LUZP2: variants seen among roughly 807,000 people sequenced by gnomAD.
LUZP2 encodes leucine zipper protein 2.
LUZP2 carries 52 observed loss-of-function variants against 51.6 expected under a neutral mutation model. That is an observed-to-expected ratio of 1.01 (90% CI 0.81 to 1.27). The LOEUF is 1.27. LUZP2 is among the 50% of genes most tolerant of loss of function. The probability of loss-of-function intolerance (pLI) is 0.00; values close to 1 mark genes in which losing one functional copy is unlikely to be tolerated. For missense variants in LUZP2, 436 were observed against 395.4 expected, an observed-to-expected ratio of 1.10 and a Z score of -0.87; for synonymous variants, 154 against 137.3, an observed-to-expected ratio of 1.12 and a Z score of -0.85.
chr11:24,774,515 A>T (rs1367451367), intron 5 of LUZP2, among the ~76,000 whole-genome samples: 52 of 98,524 alleles, frequency 5.3e-4, no homozygotes, highest in African/African-American at 1.6e-3. Context: ...AATATATTCT[A>T]TATATATGTA....
intron 4 of LUZP2, among the ~76,000 whole-genome samples, chr11:24,756,491 C>T (rs1859778471): frequency 6.6e-6 from 1 of 152,202 alleles, no homozygotes; most frequent in East Asian, 1.9e-4. Context: ...CAGCTCTATA[C>T]CATGGGGGAC....
At chr11:24,807,912 A>T (rs1452003938) in intron 5 of LUZP2, among the ~76,000 whole-genome samples, 2 of 152,104 alleles carry the variant, frequency 1.3e-5, no homozygotes, top group Non-Finnish European at 2.9e-5. Flanking sequence ...CTGTGCTGTG[A>T]TAGAACTAAG....
chr11:25,017,293 A>G (rs912315365), intron 9 of LUZP2, among the ~76,000 whole-genome samples: 4 of 151,880 alleles, frequency 2.6e-5, no homozygotes, highest in South Asian at 2.1e-4. Context: ...CCACTTATTT[A>G]TTTTTGTTTT....
At chr11:24,882,261 C>T (rs1852492770) in intron 5 of LUZP2, among the ~76,000 whole-genome samples, 1 of 151,850 alleles carries the variant, frequency 6.6e-6, no homozygotes, top group Admixed American at 6.6e-5. Context: ...TTAAAGTTCA[C>T]AAGGTTTGTA....
chr11:24,894,007 C>T (rs887372164), intron 5 of LUZP2, among the ~76,000 whole-genome samples: 1 of 152,100 alleles, frequency 6.6e-6, no homozygotes, highest in Non-Finnish European at 1.5e-5. Flanking sequence ...CTGTAGCCCA[C>T]TCTAACTCAG....
At chr11:24,599,938 A>T (rs1199396025) in intron 1 of LUZP2, among the ~76,000 whole-genome samples, 2 of 152,116 alleles carry the variant, frequency 1.3e-5, no homozygotes. Flanking sequence ...TTGATGGGGA[A>T]CACATTTCAG....
intron 1 of LUZP2, among the ~76,000 whole-genome samples, chr11:24,500,971 A>G (rs1387290751): frequency 1.3e-5 from 2 of 152,224 alleles, no homozygotes; most frequent in Non-Finnish European, 2.9e-5. Flanking sequence ...AAGAATCACA[A>G]TAAACACAAT....
chr11:24,642,789 AG>A (rs1327810573), intron 1 of LUZP2, among the ~76,000 whole-genome samples: 7 of 152,070 alleles, frequency 4.6e-5, no homozygotes, highest in Non-Finnish European at 1.0e-4. Flanking sequence ...GCCAAGTAGC[AG>A]GGTGGAAGTT....
intron 5 of LUZP2, among the ~76,000 whole-genome samples, chr11:24,788,826 G>A (rs749416663): frequency 6.6e-6 from 1 of 152,046 alleles, no homozygotes; most frequent in African/African-American, 2.4e-5. Flanking sequence ...CTTGCTCCAG[G>A]AAAGTCTGTC....
rs71041768 is a variant in LUZP2, at chr11:24,517,483, C to CAAAAAAAAAAAAA, written c.62+20196_62+20208dup. On this transcript the variant is annotated intron_variant, in intron 1 of 11. Coordinates refer to ENST00000336930, the MANE Select transcript of LUZP2 (RefSeq NM_001009909.4). ...CCTGGGTGACAGAGCCAGACGCCGT[C>CAAAAAAAAAAAAA]AAAAAAAAAAAAAAAAAAAAAAAAA... is the stretch of plus-strand genomic sequence containing the variant. Among the ~76,000 whole-genome samples, 12 of 44,142 alleles carry CAAAAAAAAAAAAA rather than the reference C, an allele frequency of 2.7e-4. 1 individual carries two copies. The highest frequency in any genetic ancestry group is 5.1e-4 in the African/African-American group (6 of 11,858). 29.0% of individuals were successfully genotyped at this position (44,142 alleles called of 152,430 possible).
chr11:24,850,279 C>A (rs1851349793), intron 5 of LUZP2, among the ~76,000 whole-genome samples: 1 of 152,042 alleles, frequency 6.6e-6, no homozygotes, highest in Non-Finnish European at 1.5e-5. Context: ...AGTGTTTATT[C>A]CATTTTGAGT....
chr11:24,643,295 T>C (rs1454151909), intron 1 of LUZP2, among the ~76,000 whole-genome samples: 2 of 145,250 alleles, frequency 1.4e-5, no homozygotes, highest in Admixed American at 1.4e-4. Context: ...GGCGTGGTGG[T>C]GCATCTGTCT....
rs200453205 is a variant in LUZP2, at chr11:24,958,317, G to A, written c.523-18274G>A. Among the ~76,000 whole-genome samples the A allele has an allele frequency of 5.9e-5, 9 of 152,308 alleles. No individual in the cohort carries two copies. In the East Asian group the frequency reaches 1.7e-3, roughly 29 times the overall value. On this transcript the variant is annotated intron_variant, in intron 7 of 11. Transcript: ENST00000336930. ...GGCATTTCTAGTTCTAGATCCCTGA[G>A]GAATTGTCACACTGACTTCCACAAT...
At chr11:25,039,123 T>C (rs1335896076) in intron 9 of LUZP2, among the ~76,000 whole-genome samples, 1 of 152,124 alleles carries the variant, frequency 6.6e-6, no homozygotes, top group African/African-American at 2.4e-5. Context: ...TCACTGGAAA[T>C]GTACTTGCAA....
At chr11:24,606,359 T>A (rs1853918664) in intron 1 of LUZP2, among the ~76,000 whole-genome samples, 1 of 152,040 alleles carries the variant, frequency 6.6e-6, no homozygotes, top group Non-Finnish European at 1.5e-5. Context: ...GTAAGTGTTC[T>A]GAGCACATTT....
At chr11:24,551,273 C>T (rs1851716398) in intron 1 of LUZP2, among the ~76,000 whole-genome samples, 1 of 151,972 alleles carries the variant, frequency 6.6e-6, no homozygotes. Flanking sequence ...GAATAAAGTA[C>T]TGATCTATGT....
chr11:24,744,589 G>T (rs1341965728), intron 4 of LUZP2, among the ~76,000 whole-genome samples: 1 of 151,772 alleles, frequency 6.6e-6, no homozygotes, highest in African/African-American at 2.4e-5. Flanking sequence ...GGTTGTTTGG[G>T]TTTTCTCTCT....
At chr11:24,663,853 C>T (rs910477533) in intron 1 of LUZP2, among the ~76,000 whole-genome samples, 1 of 152,142 alleles carries the variant, frequency 6.6e-6, no homozygotes, top group Non-Finnish European at 1.5e-5. Context: ...CTTGTCTTTC[C>T]TGATGCCTTG....
At chr11:24,882,053 C>T (rs570044035) in intron 5 of LUZP2, among the ~76,000 whole-genome samples, 1 of 152,020 alleles carries the variant, frequency 6.6e-6, no homozygotes, top group Admixed American at 6.6e-5. Flanking sequence ...AGATAGCTCT[C>T]ATTGGTATCA....
Sources: gnomAD v4.1 joint callset for allele counts (sites outside exome capture counted in the v4.1 genomes callset) on GRCh38, gnomAD v4.1.1 for gene constraint, MANE v1.5 for transcripts, NCBI Gene and HGNC (gene_info 2026-07-23, HGNC 2026-07-21) for gene names.